Variants in CCDC33 observed in about 807,000 individuals in gnomAD.
The protein encoded by CCDC33 is coiled-coil domain containing 33, also known as coiled-coil domain-containing protein 33.
Under a neutral mutation model 91.9 loss-of-function variants are expected in CCDC33, and 94 were observed. That is an observed-to-expected ratio of 1.02 (90% confidence interval 0.87 to 1.21). CCDC33 has a LOEUF of 1.21. Among genes scored for constraint, CCDC33 ranks in the 50% most tolerant of loss-of-function variants. The pLI is 0.00. For missense variants in CCDC33, 940 were observed against 935.5 expected (o/e 1.00, Z -0.06); for synonymous variants, 396 against 374.5 (o/e 1.06, Z -0.66).
chr15:74,332,914 C>T, intron 16 of CCDC33, 69 bp downstream of exon 16: 2 of 1,550,402 alleles, frequency 1.3e-6, no homozygotes, highest in Non-Finnish European at 1.7e-6. Flanking sequence ...CATGGTACAA[C>T]CCAAGTTGAA....
At chr15:74,272,913 T>C in intron 7 of CCDC33, 22 bp downstream of exon 7, 1 of 1,613,848 alleles carries the variant, frequency 6.2e-7, no homozygotes, top group Non-Finnish European at 8.5e-7. Context: ...CCCCAGTGGT[T>C]CCAGCTTCCT....
At chr15:74,304,936 GCTTCTT>G (rs1300732393) in intron 11 of CCDC33, among the ~76,000 whole-genome samples, 1 of 137,196 alleles carries the variant, frequency 7.3e-6, no homozygotes, top group Non-Finnish European at 1.6e-5. Context: ...ACCTGCTTCT[GCTTCTT>G]CTTCTTCTTT....
intron 10 of CCDC33, among the ~76,000 whole-genome samples, chr15:74,288,518 T>C (rs2142545146): frequency 6.6e-6 from 1 of 152,320 alleles, no homozygotes; most frequent in Non-Finnish European, 1.5e-5. Flanking sequence ...GGTTCTATTT[T>C]AGTATTTATC....
chr15:74,218,734 G>A lies in CCDC33; in HGVS notation c.548G>A (p.Ser183Asn), dbSNP rs1174985587. ...GACCCCACAGCCCGACACTGTGGGA[G>A]CCTGGCCTACAGTGTGGCCTTCCAC... Residue 183 changes from serine (S) to asparagine (N), a missense_variant, in exon 2 of 3, where the codon AGC becomes AAC. Ser to Asn is a conservative substitution (Grantham distance 46). Transcript: ENST00000635913. This position sits in a 1 kb window ranked among gnomAD's most constrained non-coding sequence, Gnocchi z 4.8. 7.8e-7 allele frequency: 1 copy of A among 1,289,866 alleles called. No individual in the cohort carries two copies. The highest frequency in any genetic ancestry group is 2.3e-5 in the Admixed American group (1 of 43,570). 79.9% of individuals were successfully genotyped at this position (1,289,866 alleles called of 1,614,324 possible).
chr15:74,206,751 T>C (rs1427534095), intron 1 of CCDC33, among the ~76,000 whole-genome samples: 1 of 152,172 alleles, frequency 6.6e-6, no homozygotes, highest in Admixed American at 6.5e-5. Context: ...AAGAATGAAT[T>C]GACACGTGTC....
intron 2 of CCDC33, among the ~76,000 whole-genome samples, chr15:74,261,701 G>A (rs145013472): frequency 6.6e-6 from 1 of 152,280 alleles, no homozygotes; most frequent in African/African-American, 2.4e-5. Flanking sequence ...GACGGCTCTG[G>A]ATCTCCGATA....
At position 74,225,391 on chromosome 15, in the gene CCDC33, C is replaced by T. The variant is rs888925945; in HGVS notation, c.675+6530C>T. On this transcript the variant is annotated intron_variant, in intron 2 of 2. Transcript: ENST00000635913. ...TTACACCCATGGAAAGCGGATGTGCCCCCAACTCCTGAACACCCTCCACCC... is the reference window on the plus strand; with the variant it reads ...TTACACCCATGGAAAGCGGATGTGCTCCCAACTCCTGAACACCCTCCACCC... Among the ~76,000 whole-genome samples the T allele has an allele frequency of 9.2e-5, 14 of 151,898 alleles. 1 individual carries two copies. In the East Asian group the frequency reaches 2.5e-3, roughly 27 times the overall value.
intron 1 of CCDC33, chr15:74,209,061 C>T (rs2074327033): frequency 1.5e-5 from 18 of 1,210,538 alleles, no homozygotes; most frequent in Admixed American, 1.3e-4. Context: ...CCCCCCTTCT[C>T]CAGTCTGGCT....
intron 3 of CCDC33, among the ~76,000 whole-genome samples, chr15:74,264,582 C>T (rs1019281462): frequency 1.3e-5 from 2 of 152,134 alleles, no homozygotes; most frequent in African/African-American, 4.8e-5. Context: ...TGGTCCATGG[C>T]GAGTTGGCAT....
chr15:74,217,090 G>GA (rs990821669), upstream of CCDC33: 4 of 301,420 alleles, frequency 1.3e-5, no homozygotes, highest in Non-Finnish European at 1.9e-5. Flanking sequence ...GGGATCGATG[G>GA]AAAAAAACTT....
intron 10 of CCDC33, 53 bp downstream of exon 10, chr15:74,281,902 A>C: frequency 6.7e-7 from 1 of 1,495,138 alleles, no homozygotes; most frequent in South Asian, 1.1e-5. Context: ...TGTCAGTGAG[A>C]TCCAACTTCC....
chr15:74,268,159 G>T (rs2076217161), intron 4 of CCDC33, among the ~76,000 whole-genome samples, 183 bp from the exon 5 acceptor site: 1 of 152,216 alleles, frequency 6.6e-6, no homozygotes, highest in African/African-American at 2.4e-5. Context: ...AAATGGAAAA[G>T]GGAAGATTTA....
chr15:74,309,772 C>A (rs556981269), intron 11 of CCDC33, among the ~76,000 whole-genome samples: 1 of 152,126 alleles, frequency 6.6e-6, no homozygotes, highest in Non-Finnish European at 1.5e-5. Flanking sequence ...TGGATCTGTG[C>A]CCCACCCGTT....
At chr15:74,262,309 C>T (rs2076046107) in intron 2 of CCDC33, 131 bp from the exon 3 acceptor site, 2 of 1,190,700 alleles carry the variant, frequency 1.7e-6, no homozygotes, top group Non-Finnish European at 2.4e-6. Flanking sequence ...ACACAAGTGT[C>T]TATGCATGGG....
At chr15:74,336,321 C>A (rs758838737), downstream of CCDC33, 4 of 1,390,188 alleles carry the variant, frequency 2.9e-6, no homozygotes, top group Middle Eastern at 5.7e-4. Context: ...AGAGAAGAGG[C>A]CTTCCAAAGC....
chr15:74,203,297 G>C, intron 1 of CCDC33: 1 of 794,632 alleles, frequency 1.3e-6, no homozygotes, highest in Non-Finnish European at 1.5e-6. Flanking sequence ...CCAGACCCAC[G>C]GGTAGGCAAG....
intron 5 of CCDC33, among the ~76,000 whole-genome samples, chr15:74,268,667 T>A (rs1595987364): frequency 6.6e-6 from 1 of 152,240 alleles, no homozygotes; most frequent in East Asian, 1.9e-4. Context: ...AGGATGAAGA[T>A]GCTCAAGCCT....
At chr15:74,242,553 T>A (rs2075382098) in intron 1 of CCDC33, among the ~76,000 whole-genome samples, 1 of 152,168 alleles carries the variant, frequency 6.6e-6, no homozygotes, top group African/African-American at 2.4e-5. Context: ...GCCTCCACCC[T>A]GAGGAGGTCC....
intron 17 of CCDC33, 48 bp downstream of exon 17, chr15:74,334,015 A>G (rs749312280): frequency 7.3e-6 from 11 of 1,505,800 alleles, no homozygotes; most frequent in Admixed American, 1.7e-5. Context: ...CTCACCACAC[A>G]GCCTATAACC....
Sources: allele counts gnomAD v4.1 joint callset (sites outside exome capture counted in the v4.1 genomes callset), GRCh38; gene constraint gnomAD v4.1.1; non-coding constraint Gnocchi (gnomAD v3.1); transcripts MANE v1.5; gene names NCBI Gene and HGNC (gene_info 2026-07-23, HGNC 2026-07-21).